Variants in ZNF160 observed in about 807,000 individuals in gnomAD.
ZNF160 encodes KRAB zinc finger protein KR18.
In ZNF160, 9 loss-of-function variants were observed where a neutral mutation model predicts 13.1. The ratio of observed to expected loss-of-function variants is 0.69; its 90% confidence interval spans 0.41 to 1.20. The LOEUF is 1.20. Among genes scored for constraint, ZNF160 ranks in the 50% most tolerant of loss-of-function variants. The pLI is 0.01. For missense variants in ZNF160, 838 were observed against 988.0 expected (o/e 0.85, Z 2.04); for synonymous variants, 293 against 333.2 (o/e 0.88, Z 1.31).
chr19:53,076,372 G>A (rs949830098), intron 3 of ZNF160, among the ~76,000 whole-genome samples: 2 of 152,174 alleles, frequency 1.3e-5, no homozygotes, highest in African/African-American at 4.8e-5. Flanking sequence ...CGGGCGTGGC[G>A]GCTCATGCCT....
chr19:53,083,505 A>T lies in ZNF160; in HGVS notation c.15+2757T>A, dbSNP rs548503781. ...CATTTCGTTAAGGCCTTCCAAAATA[A>T]GATAAACTGAACAAATAATTGAGAA... On this transcript the variant is annotated intron_variant, in intron 3 of 5. Coordinates refer to ENST00000683776, the MANE Select transcript of ZNF160 (RefSeq NM_001322131.2). 2.5e-4 allele frequency among the ~76,000 whole-genome samples: 38 copies of T among 152,380 alleles called. No homozygotes were observed. The South Asian group carries it at 7.0e-3, about 28-fold the overall frequency.
At position 53,075,163 on chromosome 19, in the gene ZNF160, A is replaced by G. The variant is rs144625731; in HGVS notation, c.36T>C (p.Asp12=). 185 of 1,614,080 alleles carry G rather than the reference A, an allele frequency of 1.1e-4. 1 individual carries two copies. In the Admixed American group the frequency reaches 2.1e-3, roughly 18 times the overall value. ...CCTCCTGAGAGAATTCTATGGCCAC[A>G]TCCCTAAATGTCAACCGTACCTAAA... ...ALTQVRLTFR[D]VAIEFSQEEW... Residue 12 remains aspartate (D), a synonymous_variant, in exon 4 of 6, where the codon GAT becomes GAC. Transcript: ENST00000683776.
chr19:53,077,694 A>G (rs1473278457), intron 3 of ZNF160, among the ~76,000 whole-genome samples: 1 of 150,594 alleles, frequency 6.6e-6, no homozygotes, highest in Non-Finnish European at 1.5e-5. Flanking sequence ...AAAGCAAAAG[A>G]AAAAAAGAAA....
At chr19:53,079,183 G>A (rs4801951) in intron 3 of ZNF160, among the ~76,000 whole-genome samples, 55,396 of 151,942 alleles carry the variant, frequency 0.36, 10,488 homozygotes, top group African/African-American at 0.45. Flanking sequence ...CATGGTGAAG[G>A]ACCAAAACCA....
intron 2 of ZNF160, among the ~76,000 whole-genome samples, chr19:53,090,833 A>C (rs2085007711): frequency 6.6e-6 from 1 of 152,222 alleles, no homozygotes; most frequent in African/African-American, 2.4e-5. Context: ...CCAAAGGGTG[A>C]ATGCACCTCG....
At chr19:53,092,965 A>C (rs2145927953) in intron 1 of ZNF160, among the ~76,000 whole-genome samples, 1 of 152,298 alleles carries the variant, frequency 6.6e-6, no homozygotes, top group Non-Finnish European at 1.5e-5. Context: ...TTCAGCATGG[A>C]CTTCCATGAT....
At chr19:53,085,873 T>G in intron 3 of ZNF160, 1 of 592,586 alleles carries the variant, frequency 1.7e-6, no homozygotes, top group East Asian at 2.9e-5. Context: ...TTCTTTTCTA[T>G]GCCAGTGAGC....
intron 1 of ZNF160, among the ~76,000 whole-genome samples, chr19:53,093,841 T>A (rs185804368): frequency 6.6e-6 from 1 of 152,288 alleles, no homozygotes; most frequent in East Asian, 1.9e-4. Context: ...GTGTACTGAA[T>A]GTTCCTGTCA....
intron 3 of ZNF160, chr19:53,076,889 G>A (rs1456279053): frequency 6.6e-6 from 1 of 152,094 alleles, no homozygotes; most frequent in Non-Finnish European, 1.5e-5. Context: ...AGAAAGTATG[G>A]GAATATCCAT....
intron 5 of ZNF160, among the ~76,000 whole-genome samples, chr19:53,072,436 A>G (rs189013103): frequency 6.6e-6 from 1 of 152,286 alleles, no homozygotes; most frequent in Non-Finnish European, 1.5e-5. Flanking sequence ...TGAAAACCAT[A>G]ATGTATTCAT....
chr19:53,067,983 G>T lies in ZNF160; in HGVS notation c.*94C>A. 1 of 1,486,324 alleles carries T rather than the reference G, an allele frequency of 6.7e-7. No individual in the cohort carries two copies. The highest frequency in any genetic ancestry group is 9.0e-7 in the Non-Finnish European group (1 of 1,106,114). 92.1% of individuals were successfully genotyped at this position (1,486,324 alleles called of 1,614,324 possible). On this transcript the variant is annotated 3_prime_UTR_variant, in exon 6 of 6. Coordinates refer to ENST00000683776, the MANE Select transcript of ZNF160 (RefSeq NM_001322131.2). ...TCTATTAATGCTTCAACTCATGAGG[G>T]ATTGGCCACTGTCACTACATTTGTA...
At chr19:53,079,182 G>A (rs1201325547) in intron 3 of ZNF160, among the ~76,000 whole-genome samples, 1 of 152,096 alleles carries the variant, frequency 6.6e-6, no homozygotes, top group African/African-American at 2.4e-5. Flanking sequence ...ACATGGTGAA[G>A]GACCAAAACC....
intron 5 of ZNF160, among the ~76,000 whole-genome samples, chr19:53,070,527 C>T (rs2084130449): frequency 6.6e-6 from 1 of 152,070 alleles, no homozygotes; most frequent in African/African-American, 2.4e-5. Flanking sequence ...TCTCCCGCCT[C>T]AGCCTCCTGA....
intron 1 of ZNF160, among the ~76,000 whole-genome samples, chr19:53,092,967 T>C (rs887025675): frequency 1.3e-5 from 2 of 152,206 alleles, no homozygotes; most frequent in Non-Finnish European, 2.9e-5. Context: ...CAGCATGGAC[T>C]TCCATGATCC....
At chr19:53,084,775 C>T (rs932751508) in intron 3 of ZNF160, among the ~76,000 whole-genome samples, 4 of 152,230 alleles carry the variant, frequency 2.6e-5, no homozygotes, top group African/African-American at 4.8e-5. Context: ...GGAAATCTGA[C>T]GTGGCATTGG....
chr19:53,069,541 A>C lies in ZNF160; in HGVS notation c.993T>G (p.His331Gln), dbSNP rs2084085055. The stretch of plus-strand genomic sequence containing the variant: ...GTTTCTCTCCAGTATGAATTCGCCG[A>C]TGAGTTGCAAGGTATGAATTGTGCC... ...VFRHNSYLAT[H>Q]RRIHTGEKPY... The change falls in exon 6 of 6, where the codon CAT becomes CAG. Residue 331 changes from histidine (H) to glutamine (Q), a missense_variant. Physicochemically the swap from His to Gln is conservative, Grantham distance 24 (BLOSUM62 0). Coordinates refer to ENST00000683776, the MANE Select transcript of ZNF160 (RefSeq NM_001322131.2). This position sits in a 1 kb window ranked among gnomAD's most constrained non-coding sequence, Gnocchi z 4.4. 1 of 1,614,064 alleles carries C rather than the reference A, an allele frequency of 6.2e-7. No individual in the cohort carries two copies. Among genetic ancestry groups the C allele is most frequent in the African/African-American group, 1.3e-5 (1 of 74,932 alleles).
chr19:53,101,182 A>G (rs1416181003), intron 1 of ZNF160, among the ~76,000 whole-genome samples: 1 of 152,158 alleles, frequency 6.6e-6, no homozygotes. Context: ...TGGAAGGCTG[A>G]GGCAGGAGAA....
chr19:53,075,938 C>T (rs2145595778), intron 3 of ZNF160: 1 of 359,154 alleles, frequency 2.8e-6, no homozygotes, highest in Non-Finnish European at 5.6e-6. Context: ...ACCCTATATC[C>T]AGATAGACAG....
chr19:53,101,310 A>G (rs2146095724), intron 1 of ZNF160, among the ~76,000 whole-genome samples: 1 of 152,118 alleles, frequency 6.6e-6, no homozygotes, highest in Non-Finnish European at 1.5e-5. Flanking sequence ...AAAAATGAAT[A>G]AAGTTACCTA....
Sources: allele counts gnomAD v4.1 joint callset (sites outside exome capture counted in the v4.1 genomes callset), GRCh38; gene constraint gnomAD v4.1.1; non-coding constraint Gnocchi (gnomAD v3.1); transcripts MANE v1.5; gene names NCBI Gene and HGNC (gene_info 2026-07-23, HGNC 2026-07-21).